SATL1: variants seen among roughly 807,000 people sequenced by gnomAD.
SATL1 encodes spermidine/spermine N1-acetyl transferase like 1, also known as spermidine/spermine N(1)-acetyltransferase-like protein 1.
In SATL1, 47 loss-of-function variants were observed where a neutral mutation model predicts 51.8. The ratio of observed to expected loss-of-function variants is 0.91; its 90% CI spans 0.72 to 1.16. The LOEUF is 1.16. SATL1 is among the 50% of genes most tolerant of loss of function. The pLI, the probability that SATL1 is intolerant of heterozygous loss-of-function variation, is 0.00. For missense variants in SATL1, 520 were observed against 526.4 expected (o/e 0.99, Z 0.12); for synonymous variants, 176 against 182.4 (o/e 0.97, Z 0.28).
At chrX:85,201,096 G>T (rs1927678021) in intron 2 of SATL1, among the ~76,000 whole-genome samples, 1 of 111,264 alleles carries the variant, frequency 9.0e-6, no homozygotes, top group South Asian at 3.7e-4. Flanking sequence ...CTCAAGGAAG[G>T]TGACTGCATT....
chrX:85,234,238 C>T (rs1430562916), intron 1 of SATL1, among the ~76,000 whole-genome samples: 2 of 111,431 alleles, frequency 1.8e-5, no homozygotes, highest in African/African-American at 6.5e-5. Context: ...AAAGACTTTC[C>T]AGACCAACAA....
rs192925998 is a variant in SATL1, at chrX:85,138,201, C to T, written c.-312-28921G>A. Reference sequence around the variant, plus strand: ...ACTATTTTCCCTGCCTTTTGGCATGCTTTGTAATTTTTTACATGATGTATC... The same window carrying T: ...ACTATTTTCCCTGCCTTTTGGCATGTTTTGTAATTTTTTACATGATGTATC... On this transcript the variant is annotated intron_variant, in intron 2 of 7. Transcript: ENST00000644105. 5.3e-5 allele frequency among the ~76,000 whole-genome samples: 6 copies of T among 112,446 alleles called. No homozygotes were observed. In the East Asian group the frequency reaches 1.4e-3, roughly 26 times the overall value.
At chrX:85,206,092 T>C in intron 2 of SATL1, among the ~76,000 whole-genome samples, 1 of 111,126 alleles carries the variant, frequency 9.0e-6, no homozygotes, top group East Asian at 2.8e-4. Context: ...GGATAAAAAA[T>C]TTTGGTTTTG....
intron 2 of SATL1, among the ~76,000 whole-genome samples, chrX:85,178,625 C>A (rs866587378): frequency 1.0e-4 from 10 of 97,521 alleles, no homozygotes; most frequent in East Asian, 6.3e-4. Context: ...AAAAAAAAAA[C>A]AAAAACAAAC....
chrX:85,164,303 T>A (rs907176657), intron 2 of SATL1, among the ~76,000 whole-genome samples: 1 of 111,518 alleles, frequency 9.0e-6, no homozygotes, highest in Admixed American at 9.6e-5. Context: ...ATTACCTTGT[T>A]TTTTTATTGT....
chrX:85,135,493 C>A (rs1925928159), intron 2 of SATL1, among the ~76,000 whole-genome samples: 1 of 109,651 alleles, frequency 9.1e-6, no homozygotes, highest in African/African-American at 3.3e-5. Context: ...AGAAGTACTG[C>A]ATTTAATTAT....
chrX:85,111,091 A>G (rs181674637), intron 2 of SATL1, among the ~76,000 whole-genome samples: 1 of 113,251 alleles, frequency 8.8e-6, no homozygotes, highest in Admixed American at 9.3e-5. Context: ...TTTGCTGTTT[A>G]CTTTACAAAA....
At chrX:85,113,888 C>G (rs773131640) in intron 2 of SATL1, among the ~76,000 whole-genome samples, 2 of 111,361 alleles carry the variant, frequency 1.8e-5, no homozygotes, top group Non-Finnish European at 3.8e-5. Flanking sequence ...CCTAAGATAA[C>G]TTGGGATCCC....
At chrX:85,098,580 T>A (rs1384916152) in intron 4 of SATL1, among the ~76,000 whole-genome samples, 1 of 111,927 alleles carries the variant, frequency 8.9e-6, no homozygotes, top group East Asian at 2.8e-4. Flanking sequence ...TCTTAATAAA[T>A]TTTAAAATAT....
At chrX:85,118,253 A>C (rs893487850) in intron 2 of SATL1, 1 of 108,527 alleles carries the variant, frequency 9.2e-6, no homozygotes, top group Admixed American at 1.0e-4. Context: ...TAAGATGTCA[A>C]TATTCAGTTT....
At chrX:85,232,068 G>A (rs1222835256) in intron 1 of SATL1, among the ~76,000 whole-genome samples, 2 of 107,130 alleles carry the variant, frequency 1.9e-5, no homozygotes, top group Admixed American at 1.0e-4. Flanking sequence ...TAAAGAAGAC[G>A]TTGTCTTGCA....
At chrX:85,136,488 G>A (rs971101804) in intron 2 of SATL1, among the ~76,000 whole-genome samples, 1 of 111,993 alleles carries the variant, frequency 8.9e-6, no homozygotes, top group Non-Finnish European at 1.9e-5. Context: ...GGGAAAGTCT[G>A]GAAGACAGTA....
intron 2 of SATL1, among the ~76,000 whole-genome samples, chrX:85,167,952 C>T (rs761340497): frequency 9.1e-6 from 1 of 110,381 alleles, no homozygotes; most frequent in South Asian, 3.9e-4. Flanking sequence ...CGCTTTATCC[C>T]TGGGATGCAA....
intron 2 of SATL1, among the ~76,000 whole-genome samples, chrX:85,167,840 C>A (rs1188486679): frequency 9.0e-6 from 1 of 110,930 alleles, no homozygotes; most frequent in Non-Finnish European, 1.9e-5. Context: ...CAGAAAACTT[C>A]AGGCCTATAT....
chrX:85,103,833 C>T (rs766257321), intron 4 of SATL1, 31 bp downstream of exon 4: 1 of 1,096,367 alleles, frequency 9.1e-7, no homozygotes, highest in South Asian at 1.9e-5. Context: ...GTTTCTTTTT[C>T]TTGCTCTGAA....
intron 2 of SATL1, among the ~76,000 whole-genome samples, chrX:85,173,045 CA>C (rs766415369): frequency 9.0e-6 from 1 of 111,247 alleles, no homozygotes; most frequent in Non-Finnish European, 1.9e-5. Context: ...TTTTTATAAA[CA>C]AATATCCACG....
intron 2 of SATL1, among the ~76,000 whole-genome samples, chrX:85,181,007 A>T (rs1484126301): frequency 9.1e-6 from 1 of 110,087 alleles, no homozygotes; most frequent in Non-Finnish European, 1.9e-5. Flanking sequence ...CTGCTGGCCA[A>T]GATTATAAAA....
At chrX:85,110,693 C>G (rs959914769) in intron 2 of SATL1, among the ~76,000 whole-genome samples, 1 of 111,881 alleles carries the variant, frequency 8.9e-6, no homozygotes, top group African/African-American at 3.3e-5. Context: ...CACTATTAGG[C>G]CTATGCTAGC....
At chrX:85,132,361 T>C (rs1925829256) in intron 2 of SATL1, among the ~76,000 whole-genome samples, 1 of 111,095 alleles carries the variant, frequency 9.0e-6, no homozygotes, top group Non-Finnish European at 1.9e-5. Flanking sequence ...TTACTCTTTT[T>C]TTTTCTAAAC....
Sources: allele counts gnomAD v4.1 joint callset (sites outside exome capture counted in the v4.1 genomes callset), GRCh38; gene constraint gnomAD v4.1.1; transcripts MANE v1.5; gene names NCBI Gene and HGNC (gene_info 2026-07-23, HGNC 2026-07-21).